The following RRBP1 variants were observed in gnomAD, a reference collection of about 807,000 sequenced individuals.
The protein encoded by RRBP1 is ribosome-binding protein 1.
RRBP1 carries 94 observed loss-of-function variants against 165.2 expected under a neutral mutation model. The ratio of observed to expected loss-of-function variants is 0.57; its 90% CI spans 0.48 to 0.68. The LOEUF (loss-of-function observed/expected upper bound fraction) is 0.68. Among genes scored for constraint, RRBP1 ranks in the 30% least tolerant of loss-of-function variants. The pLI is 0.00. For missense variants in RRBP1, 1,676 were observed against 1,763.0 expected, an observed-to-expected ratio of 0.95 and a Z score of 0.88; for synonymous variants, 680 against 714.5, an observed-to-expected ratio of 0.95 and a Z score of 0.77.
At position 17,641,588 on chromosome 20, in the gene RRBP1, C is replaced by T. The variant is rs1023477789; in HGVS notation, c.2184+209G>A. On this transcript the variant is annotated intron_variant, in intron 5 of 24. Coordinates refer to ENST00000377813, the MANE Select transcript of RRBP1 (RefSeq NM_001365613.2). ...ACAGCCACGAAGGAAGCCACCACGC[C>T]GTAGAGCCACGAGCACTGCCAAGGG... is the stretch of plus-strand genomic sequence containing the variant. The T allele has an allele frequency of 6.8e-5, 42 of 617,476 alleles. 1 individual carries two copies. The highest frequency in any genetic ancestry group is 4.2e-4 in the South Asian group (22 of 52,902). 38.2% of individuals were successfully genotyped at this position (617,476 alleles called of 1,614,324 possible). A position where few individuals can be genotyped will look rare whatever the true frequency, so the allele number is the denominator to read the frequency against.
rs1171015699 is a variant in RRBP1 at position 17,615,427 on chromosome 20, C to G, written c.4050+4G>C. ...GTGTGACCCCCGCCCCAGCCCCTGC[C>G]TGCCTTCAGCTGTGAGGCCTCCTCT... On this transcript the variant is annotated splice_donor_region_variant and intron_variant, in intron 23 of 24. Transcript: ENST00000377813. 14 of 1,606,318 alleles carry G rather than the reference C, an allele frequency of 8.7e-6. No homozygotes were observed. Among genetic ancestry groups the G allele is most frequent in the Non-Finnish European group, 1.2e-5 (14 of 1,176,518 alleles).
chr20:17,658,721 T>C lies in RRBP1; in HGVS notation c.1787A>G (p.Gln596Arg), dbSNP rs73092300. Residue 596 changes from glutamine (Q) to arginine (R), a missense_variant, in exon 3 of 25, where the codon CAG (glutamine) becomes CGG (arginine). Coordinates refer to ENST00000377813, the MANE Select transcript of RRBP1 (RefSeq NM_001365613.2). The part of the protein sequence containing the change: ...QGKKADAAAN[Q>R]GKKTESASVQ... Reference sequence around the variant, plus strand: ...AGAAGCTGACTCTGTCTTTTTACCCTGATTGGCAGCTGCGTCTGCCTTTTT... The same window carrying C: ...AGAAGCTGACTCTGTCTTTTTACCCCGATTGGCAGCTGCGTCTGCCTTTTT... 0.051 allele frequency: 81,772 copies of C among 1,614,222 alleles called. 2,443 individuals carry two copies. The highest frequency in any genetic ancestry group is 0.061 in the Non-Finnish European group (72,004 of 1,180,032).
In RRBP1 at chr20:17,621,539, G is replaced by A. The variant is rs184204707; in HGVS notation, c.3333C>T (p.Ala1111=). The change falls in exon 16 of 25, where the codon GCC becomes GCT. Residue 1111 remains alanine (A), a synonymous_variant. Transcript: ENST00000377813. The stretch of plus-strand genomic sequence containing the variant: ...TCTCCTCGGCCTCCCTCAACTTGGA[G>A]GCCAGGTCCTGAGAGAGGGAAGAAC... The part of the protein sequence containing the change: ...PAPAEPSSDL[A]SKLREAEETQ... 6.2e-7 allele frequency: 1 copy of A among 1,612,592 alleles called. No homozygotes were observed. The highest frequency in any genetic ancestry group is 1.7e-5 in the Admixed American group (1 of 60,002).
At chr20:17,615,587 A>G in intron 22 of RRBP1, 58 bp from the exon 23 acceptor site, 4 of 1,431,106 alleles carry the variant, frequency 2.8e-6, no homozygotes, top group South Asian at 2.7e-5. Context: ...CTGTGCTGTC[A>G]AGACCCTACC....
intron 3 of RRBP1, among the ~76,000 whole-genome samples, chr20:17,651,630 G>C (rs976465786): frequency 1.3e-5 from 2 of 152,192 alleles, no homozygotes. Flanking sequence ...CATGTGAAGA[G>C]CACAATGAAT....
At chr20:17,670,903 A>G (rs1448418651) in intron 2 of RRBP1, among the ~76,000 whole-genome samples, 1 of 152,188 alleles carries the variant, frequency 6.6e-6, no homozygotes, top group East Asian at 1.9e-4. Flanking sequence ...TTAGCTTTTC[A>G]AGTACTGGCT....
At position 17,631,045 on chromosome 20, in the gene RRBP1, A is replaced by G. The variant is rs1053401491; in HGVS notation, c.2611-1084T>C. 2.6e-5 allele frequency among the ~76,000 whole-genome samples: 4 copies of G among 152,244 alleles called. No individual in the cohort carries two copies. The East Asian group carries it at 7.7e-4, about 29-fold the overall frequency. On this transcript the variant is annotated intron_variant, in intron 8 of 24. Transcript: ENST00000377813. Reference sequence around the variant, plus strand: ...CGTGGTTCACGTGTACTGTGCAGTGAAAACTGGGGGCAGCTTTAGGATGGG... The same window carrying G: ...CGTGGTTCACGTGTACTGTGCAGTGGAAACTGGGGGCAGCTTTAGGATGGG...
At chr20:17,670,536 A>T (rs758559574) in intron 2 of RRBP1, among the ~76,000 whole-genome samples, 1 of 151,636 alleles carries the variant, frequency 6.6e-6, no homozygotes, top group Non-Finnish European at 1.5e-5. Context: ...CTTCCAACTT[A>T]GATGTTACTG....
intron 3 of RRBP1, among the ~76,000 whole-genome samples, chr20:17,650,961 A>G (rs1476946194): frequency 1.3e-5 from 2 of 152,250 alleles, no homozygotes; most frequent in Non-Finnish European, 2.9e-5. Flanking sequence ...TTCCTAATAG[A>G]CACTGTGCAT....
intron 3 of RRBP1, among the ~76,000 whole-genome samples, chr20:17,650,087 A>C (rs1420341727): frequency 6.6e-6 from 1 of 152,080 alleles, no homozygotes; most frequent in African/African-American, 2.4e-5. Flanking sequence ...GAAGGATGAG[A>C]GTTCCATCAG....
Position 17,658,876 on chromosome 20 carries a change from G to A in RRBP1, c.1632C>T (p.Pro544=). 1 of 1,613,554 alleles carries A rather than the reference G, an allele frequency of 6.2e-7. No individual in the cohort carries two copies. The change falls in exon 3 of 25, where the codon CCC becomes CCT. Residue 544 remains proline, a synonymous_variant. Coordinates refer to ENST00000377813, the MANE Select transcript of RRBP1 (RefSeq NM_001365613.2). ...PNQGKKGEGA[P]IQGKKADSVA... Reference sequence around the variant, plus strand: ...CCGAATCTGCCTTTTTGCCCTGGATGGGAGCTCCCTCTCCTTTTTTGCCTT... The same window carrying A: ...CCGAATCTGCCTTTTTGCCCTGGATAGGAGCTCCCTCTCCTTTTTTGCCTT...
At chr20:17,632,276 G>A (rs2036164809) in intron 8 of RRBP1, among the ~76,000 whole-genome samples, 1 of 152,216 alleles carries the variant, frequency 6.6e-6, no homozygotes, top group Non-Finnish European at 1.5e-5. Flanking sequence ...GAGGACAGGA[G>A]ATACTGGGAG....
At position 17,658,987 on chromosome 20, in the gene RRBP1, G is replaced by A. The variant is rs1172999890; in HGVS notation, c.1521C>T (p.Asn507=). ...NQGKKAEGAQ[N]QGQKGEGAQN... ...GGGCTCCCTCTCCTTTTTGGCCCTG[G>A]TTCTGGGCTCCCTCGGCCTTTTTGC... The change falls in exon 3 of 25, where the codon AAC becomes AAT. Residue 507 remains asparagine, a synonymous_variant. Coordinates refer to ENST00000377813, the MANE Select transcript of RRBP1 (RefSeq NM_001365613.2). 4 of 1,610,942 alleles carry A rather than the reference G, an allele frequency of 2.5e-6. No individual in the cohort carries two copies. The highest frequency in any genetic ancestry group is 2.7e-5 in the African/African-American group (2 of 74,898).
chr20:17,620,377 A>C lies in RRBP1; in HGVS notation c.3508-7T>G. 1 of 1,612,478 alleles carries C rather than the reference A, an allele frequency of 6.2e-7. No individual in the cohort carries two copies. Among genetic ancestry groups the C allele is most frequent in the East Asian group, 2.2e-5 (1 of 44,854 alleles). ...GCTTCACTGTGACCCGGGACTACAA[A>C]GCAAGGGGAAGGCTCCGTCAGACAC... On this transcript the variant is annotated splice_polypyrimidine_tract_variant and splice_region_variant and intron_variant, in intron 17 of 24. Transcript: ENST00000377813.
intron 11 of RRBP1, 39 bp from the exon 12 acceptor site, chr20:17,625,641 G>A (rs1180982279): frequency 6.4e-7 from 1 of 1,560,178 alleles, no homozygotes; most frequent in Non-Finnish European, 8.8e-7. Context: ...AGGCTCCAAG[G>A]GGCTACAGCC....
intron 9 of RRBP1, among the ~76,000 whole-genome samples, chr20:17,628,062 TC>T (rs1412452048): frequency 6.6e-6 from 1 of 151,800 alleles, no homozygotes; most frequent in Non-Finnish European, 1.5e-5. Context: ...CTGCCACACC[TC>T]CCCCACCTCC....
At chr20:17,661,043 A>C (rs888822977) in intron 2 of RRBP1, among the ~76,000 whole-genome samples, 1 of 152,058 alleles carries the variant, frequency 6.6e-6, no homozygotes, top group Non-Finnish European at 1.5e-5. Flanking sequence ...CTTTTAAAAA[A>C]TTTTTCTCTC....
At chr20:17,615,322 G>T in intron 23 of RRBP1, 109 bp downstream of exon 23, 1 of 843,202 alleles carries the variant, frequency 1.2e-6, no homozygotes, top group Non-Finnish European at 1.8e-6. Flanking sequence ...CCAAGGGCAG[G>T]TCCCGGTGGG....
intron 2 of RRBP1, among the ~76,000 whole-genome samples, chr20:17,664,505 T>C (rs979700137): frequency 6.6e-6 from 1 of 151,858 alleles, no homozygotes; most frequent in African/African-American, 2.4e-5. Context: ...GGGAAGGATG[T>C]AGGAGGCTGC....
Sources: allele counts gnomAD v4.1 joint callset (sites outside exome capture counted in the v4.1 genomes callset), GRCh38; gene constraint gnomAD v4.1.1; transcripts MANE v1.5; gene names NCBI Gene and HGNC (gene_info 2026-07-23, HGNC 2026-07-21).